EML1: variants seen among roughly 807,000 people sequenced by gnomAD.
The protein encoded by EML1 is EMAP like 1, also known as echinoderm microtubule-associated protein-like 1.
Under a neutral mutation model 110.4 loss-of-function variants are expected in EML1, and 27 were observed. The observed-to-expected ratio is 0.24, with a 90% confidence interval of 0.18 to 0.34. The LOEUF is 0.34. EML1 is among the 10% of genes least tolerant of loss of function. EML1 has a pLI of 1.00. For synonymous variants in EML1, 344 were observed against 385.8 expected (o/e 0.89, Z 1.27); for missense variants, 741 against 1,030.9 (o/e 0.72, Z 3.85).
At chr14:99,882,864 A>G (rs370710787) in intron 4 of EML1, among the ~76,000 whole-genome samples, 1 of 151,114 alleles carries the variant, frequency 6.6e-6, no homozygotes, top group Non-Finnish European at 1.5e-5. Flanking sequence ...AGACGTTGGC[A>G]TGTTAGGTGT....
intron 1 of EML1, among the ~76,000 whole-genome samples, chr14:99,750,257 G>A (rs1474754278): frequency 6.6e-6 from 1 of 152,176 alleles, no homozygotes. Context: ...GGCTCCCCTG[G>A]TGGCCCCCGG....
chr14:99,809,441 G>A (rs975336287), intron 1 of EML1: 27 of 327,410 alleles, frequency 8.2e-5, no homozygotes, highest in Admixed American at 6.3e-4. Flanking sequence ...ACTTACTCAC[G>A]CAATTTTCCA....
At chr14:99,858,927 G>T (rs1355230508) in intron 2 of EML1, among the ~76,000 whole-genome samples, 1 of 152,120 alleles carries the variant, frequency 6.6e-6, no homozygotes, top group Non-Finnish European at 1.5e-5. Context: ...TAAGCCTAAT[G>T]GGAGTTTTAT....
chr14:99,787,324 T>G (rs2057612269), intron 1 of EML1, among the ~76,000 whole-genome samples: 1 of 145,830 alleles, frequency 6.9e-6, no homozygotes, highest in Non-Finnish European at 1.5e-5. Flanking sequence ...CCAGGCTGGA[T>G]TGCGGTGGGC....
intron 1 of EML1, among the ~76,000 whole-genome samples, chr14:99,840,878 G>A (rs2058621445): frequency 6.6e-6 from 1 of 152,194 alleles, no homozygotes; most frequent in African/African-American, 2.4e-5. Flanking sequence ...GTTTTTTACA[G>A]TAAGAGAAAA....
chr14:99,818,342 C>G (rs12887132), intron 1 of EML1, among the ~76,000 whole-genome samples: 53,394 of 151,940 alleles, frequency 0.35, 10,103 homozygotes, highest in South Asian at 0.55. Context: ...TAGGCCCAAA[C>G]CAAGGAGGTG....
intron 4 of EML1, among the ~76,000 whole-genome samples, 157 bp downstream of exon 4, chr14:99,878,776 G>A (rs1298530652): frequency 1.3e-5 from 2 of 152,082 alleles, no homozygotes; most frequent in Non-Finnish European, 2.9e-5. Flanking sequence ...TAATCAAACA[G>A]CCATTTGAGG....
At chr14:99,766,674 A>G (rs1939810756) in intron 1 of EML1, among the ~76,000 whole-genome samples, 1 of 152,196 alleles carries the variant, frequency 6.6e-6, no homozygotes, top group African/African-American at 2.4e-5. Context: ...ACTCTTCACC[A>G]TTGAATTTCT....
At chr14:99,875,017 C>A in intron 3 of EML1, 1 of 1,604,996 alleles carries the variant, frequency 6.2e-7, no homozygotes, top group African/African-American at 1.3e-5. Flanking sequence ...ACTTTGTCAC[C>A]ATAGCTGTTC....
intron 4 of EML1, chr14:99,885,998 A>G (rs1595434164): frequency 2.5e-6 from 1 of 407,126 alleles, no homozygotes; most frequent in Non-Finnish European, 4.8e-6. Context: ...GGAAATGTCT[A>G]TGAAGCAGTC....
At chr14:99,878,410 A>G (rs2059329460) in intron 3 of EML1, 75 bp from the exon 4 acceptor site, 4 of 1,528,342 alleles carry the variant, frequency 2.6e-6, no homozygotes, top group Non-Finnish European at 3.5e-6. Context: ...CGTTCTATGT[A>G]TATATTTGTA....
At chr14:99,820,217 A>G (rs867292032) in intron 1 of EML1, among the ~76,000 whole-genome samples, 1 of 152,248 alleles carries the variant, frequency 6.6e-6, no homozygotes, top group Non-Finnish European at 1.5e-5. Flanking sequence ...CTACCTATAC[A>G]TGGGAGCAGG....
At chr14:99,785,399 T>C (rs1004688758) in intron 1 of EML1, among the ~76,000 whole-genome samples, 8 of 152,146 alleles carry the variant, frequency 5.3e-5, no homozygotes, top group African/African-American at 1.7e-4. Context: ...CTGGAAGGGA[T>C]AGAAGAAACA....
intron 17 of EML1, among the ~76,000 whole-genome samples, chr14:99,929,876 C>T (rs2060335895): frequency 6.6e-6 from 1 of 152,134 alleles, no homozygotes; most frequent in Non-Finnish European, 1.5e-5. Flanking sequence ...ATGATGAGGG[C>T]TTTTTCTCAT....
rs114281530 is a variant in EML1, at chr14:99,923,877, C to T, written c.1909+3000C>T. ...CTTTGTGGCCCAGGCCGGTCTCAAA[C>T]GCCTGGTCTCCAGAGATCGTCTCAC... On this transcript the variant is annotated intron_variant, in intron 17 of 21. Transcript: ENST00000262233. Among the ~76,000 whole-genome samples, 204 of 152,328 alleles carry T rather than the reference C, an allele frequency of 1.3e-3. 2 individuals carry two copies. The highest frequency in any genetic ancestry group is 4.7e-3 in the African/African-American group (196 of 41,578).
At chr14:99,898,369 T>C in intron 8 of EML1, 67 bp downstream of exon 8, 1 of 1,480,626 alleles carries the variant, frequency 6.8e-7, no homozygotes, top group Non-Finnish European at 9.2e-7. Flanking sequence ...TTAGAAAACA[T>C]TGTGCTGCTG....
intron 6 of EML1, among the ~76,000 whole-genome samples, chr14:99,895,031 C>T (rs1566923562): frequency 1.3e-5 from 2 of 152,110 alleles, no homozygotes; most frequent in Non-Finnish European, 2.9e-5. Context: ...GGCTCAAATA[C>T]ATGTTCATTA....
At chr14:99,912,934 T>C (rs1040418894) in intron 13 of EML1, among the ~76,000 whole-genome samples, 1 of 152,242 alleles carries the variant, frequency 6.6e-6, no homozygotes, top group Non-Finnish European at 1.5e-5. Context: ...AGGCTGCTTC[T>C]TTCCTGGAAC....
At chr14:99,879,502 C>T (rs555238920) in intron 4 of EML1, among the ~76,000 whole-genome samples, 22 of 152,294 alleles carry the variant, frequency 1.4e-4, no homozygotes, top group Admixed American at 9.1e-4. Flanking sequence ...CTCCAACCCA[C>T]AGGCTATAAA....
Sources: gnomAD v4.1 joint callset for allele counts (sites outside exome capture counted in the v4.1 genomes callset) on GRCh38, gnomAD v4.1.1 for gene constraint, MANE v1.5 for transcripts, NCBI Gene and HGNC (gene_info 2026-07-23, HGNC 2026-07-21) for gene names.